Variants in IFIH1 observed in about 807,000 individuals in gnomAD.
IFIH1 encodes the protein interferon induced with helicase C domain 1.
IFIH1 carries 125 observed loss-of-function variants against 107.4 expected under a neutral mutation model. The ratio of observed to expected loss-of-function variants is 1.16; its 90% CI spans 1.01 to 1.35. The LOEUF is 1.35. IFIH1 is among the 40% of genes most tolerant of loss of function. The pLI, the probability that IFIH1 is intolerant of heterozygous loss-of-function variation, is 0.00. For synonymous variants in IFIH1, 458 were observed against 413.2 expected (o/e 1.11, Z -1.31); for missense variants, 1,333 against 1,213.7 (o/e 1.10, Z -1.46).
chr2:162,270,646 A>G (rs980169447), intron 13 of IFIH1, among the ~76,000 whole-genome samples: 5 of 152,172 alleles, frequency 3.3e-5, no homozygotes, highest in African/African-American at 4.8e-5. Flanking sequence ...GTCTGGAAGA[A>G]TTTGACCCTT....
At chr2:162,274,159 T>A (rs1346344704) in intron 11 of IFIH1, among the ~76,000 whole-genome samples, 1 of 152,108 alleles carries the variant, frequency 6.6e-6, no homozygotes, top group Non-Finnish European at 1.5e-5. Flanking sequence ...ATAACAAAAA[T>A]ATTTCCATCA....
At chr2:162,283,465 A>T (rs960246194) in intron 5 of IFIH1, among the ~76,000 whole-genome samples, 2 of 152,008 alleles carry the variant, frequency 1.3e-5, no homozygotes, top group African/African-American at 4.8e-5. Flanking sequence ...TAGGAGAAAA[A>T]ATATAAGGCC....
chr2:162,293,156 T>C (rs1683027054), intron 4 of IFIH1, among the ~76,000 whole-genome samples: 1 of 151,966 alleles, frequency 6.6e-6, no homozygotes, highest in Admixed American at 6.6e-5. Context: ...TAGTTAGTCA[T>C]ACTTCTCTTA....
intron 3 of IFIH1, among the ~76,000 whole-genome samples, chr2:162,299,146 G>T (rs1441154622): frequency 6.6e-6 from 1 of 152,162 alleles, no homozygotes; most frequent in African/African-American, 2.4e-5. Flanking sequence ...AGTTATTAAA[G>T]CACAGGTTGC....
intron 1 of IFIH1, among the ~76,000 whole-genome samples, 197 bp from the exon 2 acceptor site, chr2:162,311,130 A>G (rs1437134583): frequency 1.3e-5 from 2 of 152,170 alleles, no homozygotes; most frequent in Non-Finnish European, 2.9e-5. Context: ...GGACAACAAC[A>G]ACAACAACAA....
Position 162,273,815 on chromosome 2 carries a change from T to C in IFIH1, c.2434A>G (p.Asn812Asp), listed in dbSNP as rs773647447. 1.9e-6 allele frequency: 3 copies of C among 1,597,690 alleles called. No homozygotes were observed. Among genetic ancestry groups the C allele is most frequent in the South Asian group, 2.3e-5 (2 of 87,564 alleles). ...TGTACCTGGACCATGGCTATTTCAT[T>C]GGTGACGAGACCATAACGGATAACA... ...NIVIRYGLVT[N>D]EIAMVQARGR... Residue 812 changes from asparagine (N) to aspartate (D), a missense_variant, in exon 12 of 16, where the codon AAT becomes GAT. Transcript: ENST00000649979.
At chr2:162,288,104 G>C in intron 5 of IFIH1, 31 bp downstream of exon 5, 1 of 1,380,596 alleles carries the variant, frequency 7.2e-7, no homozygotes, top group Non-Finnish European at 1.0e-6. Context: ...CAATGAAAAT[G>C]ATCAACTAGT....
rs1490646945 is a variant in IFIH1 at position 162,280,012 on chromosome 2, G to T, written c.1625C>A (p.Ala542Glu). The change falls in exon 8 of 16, where the codon GCA (alanine) becomes GAA (glutamate). Residue 542 changes from alanine (A) to glutamate (E), a missense_variant. Physicochemically the swap from Ala to Glu is moderately radical, Grantham distance 107. Transcript: ENST00000649979. ...AGCCCATACTTCTCTGGTTGCATCT[G>T]CAATGGCAAACTTCTTGCATGGCTC... ...IQEPCKKFAI[A>E]DATREDPFKE... 3 of 1,595,456 alleles carry T rather than the reference G, an allele frequency of 1.9e-6. No individual in the cohort carries two copies. In the East Asian group the frequency reaches 6.7e-5, roughly 36 times the overall value.
chr2:162,288,949 A>G (rs1682945921), intron 4 of IFIH1, among the ~76,000 whole-genome samples: 1 of 151,444 alleles, frequency 6.6e-6, no homozygotes, highest in Admixed American at 6.6e-5. Flanking sequence ...ACACACACAC[A>G]CACACACAGA....
Position 162,282,443 on chromosome 2 carries a change from A to C in IFIH1, c.1229T>G (p.Ile410Ser), listed in dbSNP as rs746025085. ...FPEVVKSCDI[I>S]ISTAQILENS... ...TTCAAGGATTTGAGCTGTACTGATA[A>C]TAATATCACAGGACTTGACAACTTC... is the stretch of plus-strand genomic sequence containing the variant. The change falls in exon 6 of 16, where the codon ATT (isoleucine) becomes AGT (serine). Residue 410 changes from isoleucine to serine, a missense_variant. By Grantham distance (142) the Ile-to-Ser change is moderately radical (BLOSUM62 -2). Coordinates refer to ENST00000649979, the MANE Select transcript of IFIH1 (RefSeq NM_022168.4). 6.2e-7 allele frequency: 1 copy of C among 1,612,092 alleles called. No individual in the cohort carries two copies. Among genetic ancestry groups the C allele is most frequent in the Non-Finnish European group, 8.5e-7 (1 of 1,178,684 alleles).
At chr2:162,269,502 C>A (rs753315311) in intron 13 of IFIH1, among the ~76,000 whole-genome samples, 28 of 152,112 alleles carry the variant, frequency 1.8e-4, no homozygotes, top group Non-Finnish European at 2.2e-4. Flanking sequence ...CTAGCAGCAG[C>A]ACTTATTTTA....
At chr2:162,304,105 C>A (rs894194359) in intron 3 of IFIH1, among the ~76,000 whole-genome samples, 34 of 152,272 alleles carry the variant, frequency 2.2e-4, no homozygotes, top group African/African-American at 7.0e-4. Flanking sequence ...AAAAAACTAT[C>A]CTGTATAAGC....
At chr2:162,284,042 T>A (rs1682854169) in intron 5 of IFIH1, among the ~76,000 whole-genome samples, 2 of 151,582 alleles carry the variant, frequency 1.3e-5, no homozygotes, top group Admixed American at 1.3e-4. Context: ...CTTGAGAAGT[T>A]TAGAAAATGC....
chr2:162,276,576 G>T, intron 11 of IFIH1, 111 bp downstream of exon 11: 3 of 1,194,238 alleles, frequency 2.5e-6, no homozygotes, highest in Non-Finnish European at 2.3e-6. Flanking sequence ...CTGCTCTTCA[G>T]CCTGAGTGAC....
intron 3 of IFIH1, among the ~76,000 whole-genome samples, 183 bp downstream of exon 3, chr2:162,306,526 A>G (rs2105226551): frequency 6.6e-6 from 1 of 152,368 alleles, no homozygotes; most frequent in East Asian, 1.9e-4. Flanking sequence ...ATATTGGATT[A>G]GTTTTAGAAA....
rs749829594 is a variant in IFIH1, at chr2:162,317,856, C to T, written c.452G>A (p.Arg151Gln). Residue 151 changes from arginine to glutamine, a missense_variant and splice_region_variant, in exon 1 of 16, where the codon CGG (arginine) becomes CAG (glutamine). Coordinates refer to ENST00000649979, the MANE Select transcript of IFIH1 (RefSeq NM_022168.4). Reference sequence around the variant, plus strand: ...AGCTCCATCTGAACAGACACCTACCCGGTTTCTGTCTTCAATTGTCAACAG... The same window carrying T: ...AGCTCCATCTGAACAGACACCTACCTGGTTTCTGTCTTCAATTGTCAACAG... ...EELLTIEDRN[R>Q]IAAAENNGNE... 13 of 1,567,846 alleles carry T rather than the reference C, an allele frequency of 8.3e-6. No homozygotes were observed. The East Asian group carries it at 2.5e-4, about 30-fold the overall frequency.
chr2:162,293,242 A>G (rs994504692), intron 4 of IFIH1, among the ~76,000 whole-genome samples: 2 of 152,000 alleles, frequency 1.3e-5, no homozygotes, highest in African/African-American at 4.8e-5. Context: ...AATGTACCAA[A>G]TTGAATACAG....
At chr2:162,299,431 A>G (rs1426873967) in intron 3 of IFIH1, among the ~76,000 whole-genome samples, 2 of 152,190 alleles carry the variant, frequency 1.3e-5, no homozygotes, top group Non-Finnish European at 2.9e-5. Context: ...AAGGGTGCCC[A>G]GGTAAATGTT....
At chr2:162,302,298 A>G (rs1280879734) in intron 3 of IFIH1, among the ~76,000 whole-genome samples, 2 of 152,236 alleles carry the variant, frequency 1.3e-5, no homozygotes, top group Admixed American at 6.5e-5. Flanking sequence ...CTATGCACTG[A>G]GAAAATATTT....
Sources: allele counts gnomAD v4.1 joint callset (sites outside exome capture counted in the v4.1 genomes callset), GRCh38; gene constraint gnomAD v4.1.1; transcripts MANE v1.5; gene names NCBI Gene and HGNC (gene_info 2026-07-23, HGNC 2026-07-21).